Variants in RIT2 observed in about 807,000 individuals in gnomAD.
The protein encoded by RIT2 is GTP-binding protein Rit2.
RIT2 carries 24 observed loss-of-function variants against 23.7 expected under a neutral mutation model. That is an observed-to-expected ratio of 1.01 (90% confidence interval 0.73 to 1.43). The LOEUF (loss-of-function observed/expected upper bound fraction) is 1.43. Ranked by LOEUF, RIT2 falls within the 40% of genes most tolerant of loss-of-function variation. RIT2 has a pLI of 0.00. For missense variants in RIT2, 236 were observed against 266.9 expected (o/e 0.88, Z 0.81); for synonymous variants, 107 against 91.1 (o/e 1.17, Z -0.99).
intron 4 of RIT2, among the ~76,000 whole-genome samples, chr18:42,844,380 G>A (rs73470098): frequency 0.037 from 5,606 of 152,270 alleles, 333 homozygotes; most frequent in African/African-American, 0.13. Context: ...CTCTTGTCCA[G>A]CATCCAAGAA....
At chr18:42,763,335 C>T (rs1328160422) in intron 4 of RIT2, among the ~76,000 whole-genome samples, 1 of 151,874 alleles carries the variant, frequency 6.6e-6, no homozygotes, top group African/African-American at 2.4e-5. Flanking sequence ...GGTGGCAGGC[C>T]CCTGTAGTCC....
chr18:42,819,580 T>C (rs966546502), intron 4 of RIT2, among the ~76,000 whole-genome samples: 4 of 152,114 alleles, frequency 2.6e-5, no homozygotes, highest in African/African-American at 9.7e-5. Context: ...TGTATCTCAT[T>C]GTACTCTACA....
chr18:43,059,474 TACATGAGA>T (rs1485476041), intron 1 of RIT2, among the ~76,000 whole-genome samples: 1 of 152,106 alleles, frequency 6.6e-6, no homozygotes, highest in African/African-American at 2.4e-5. Flanking sequence ...AGACAAGATA[TACATGAGA>T]AATTGGACTA....
chr18:42,989,943 T>C (rs1272429484), intron 2 of RIT2, among the ~76,000 whole-genome samples: 1 of 152,050 alleles, frequency 6.6e-6, no homozygotes, highest in East Asian at 1.9e-4. Flanking sequence ...AAGATAGATA[T>C]ATGTACACAC....
At chr18:43,089,194 C>A (rs1913359098) in intron 1 of RIT2, among the ~76,000 whole-genome samples, 2 of 151,914 alleles carry the variant, frequency 1.3e-5, no homozygotes, top group South Asian at 2.1e-4. Flanking sequence ...TCTAGAAAAC[C>A]CTATAGTCTC....
chr18:42,891,465 T>C (rs1024004533), intron 4 of RIT2, among the ~76,000 whole-genome samples: 2 of 152,178 alleles, frequency 1.3e-5, no homozygotes, highest in African/African-American at 2.4e-5. Flanking sequence ...GCACATAGAT[T>C]CATGGTTGCC....
intron 1 of RIT2, among the ~76,000 whole-genome samples, chr18:43,093,612 C>T (rs1438759699): frequency 3.3e-5 from 5 of 151,886 alleles, no homozygotes; most frequent in African/African-American, 9.7e-5. Context: ...GTGATGAAAC[C>T]TATCAGCATG....
At chr18:43,098,222 A>G (rs951924751) in intron 1 of RIT2, among the ~76,000 whole-genome samples, 12 of 151,972 alleles carry the variant, frequency 7.9e-5, no homozygotes, top group African/African-American at 2.9e-4. Flanking sequence ...GTTGTATTAG[A>G]AAGTCCTTTT....
At chr18:42,868,410 C>G (rs985625894) in intron 4 of RIT2, among the ~76,000 whole-genome samples, 4 of 152,126 alleles carry the variant, frequency 2.6e-5, no homozygotes, top group African/African-American at 9.7e-5. Flanking sequence ...TGTGAAAACC[C>G]AAGTTTAAGC....
At chr18:42,775,879 A>ACT (rs879454594) in intron 4 of RIT2, among the ~76,000 whole-genome samples, 3 of 151,604 alleles carry the variant, frequency 2.0e-5, no homozygotes, top group Non-Finnish European at 4.4e-5. Flanking sequence ...ACACACACAC[A>ACT]CAGAGATGTA....
chr18:42,762,096 G>A (rs1174348404), intron 4 of RIT2, among the ~76,000 whole-genome samples: 1 of 152,150 alleles, frequency 6.6e-6, no homozygotes, highest in Non-Finnish European at 1.5e-5. Context: ...GTCTCACTGG[G>A]AGGAAGTTAG....
chr18:42,928,740 C>T (rs890140136), intron 3 of RIT2, among the ~76,000 whole-genome samples: 1 of 151,772 alleles, frequency 6.6e-6, no homozygotes, highest in Admixed American at 6.6e-5. Context: ...CTGGTTATGT[C>T]AATTTAAATG....
intron 4 of RIT2, among the ~76,000 whole-genome samples, chr18:42,882,836 T>C (rs1401534629): frequency 6.6e-6 from 1 of 152,180 alleles, no homozygotes; most frequent in Non-Finnish European, 1.5e-5. Context: ...GAATGGTGCT[T>C]TGTAGTTCTA....
intron 1 of RIT2, among the ~76,000 whole-genome samples, chr18:43,103,565 A>C (rs987135788): frequency 6.6e-6 from 1 of 152,248 alleles, no homozygotes; most frequent in Non-Finnish European, 1.5e-5. Flanking sequence ...AGAAGAGAGA[A>C]GATATTAGAC....
At chr18:43,017,444 G>T (rs1229916177) in intron 2 of RIT2, among the ~76,000 whole-genome samples, 1 of 151,784 alleles carries the variant, frequency 6.6e-6, no homozygotes, top group African/African-American at 2.4e-5. Context: ...TAACACAATT[G>T]GTTCATGTTT....
In RIT2 at chr18:43,107,627, T is replaced by C. The variant is rs1913855475; in HGVS notation, c.103+7790A>G. The stretch of plus-strand genomic sequence containing the variant: ...TAAATTCCTATAATTACTGGGTTAC[T>C]TGGTTTTCTCAAGTTGAAAGGAATT... On this transcript the variant is annotated intron_variant, in intron 1 of 4. Coordinates refer to ENST00000326695, the MANE Select transcript of RIT2 (RefSeq NM_002930.4). Among the ~76,000 whole-genome samples the C allele has an allele frequency of 2.0e-5, 3 of 152,138 alleles. No homozygotes were observed. The South Asian group carries it at 6.2e-4, about 32-fold the overall frequency.
At chr18:42,833,053 CAAA>C (rs35952869) in intron 4 of RIT2, among the ~76,000 whole-genome samples, 1 of 77,890 alleles carries the variant, frequency 1.3e-5, no homozygotes, top group Non-Finnish European at 2.5e-5. Flanking sequence ...GACTTCATCT[CAAA>C]AAAAAAAAAA....
chr18:43,030,413 T>A (rs997966828), intron 2 of RIT2, among the ~76,000 whole-genome samples: 2 of 151,806 alleles, frequency 1.3e-5, no homozygotes, highest in African/African-American at 4.8e-5. Flanking sequence ...TAAAATAAGG[T>A]GGATGTGGTT....
chr18:43,005,719 G>A (rs1044580331), intron 2 of RIT2, among the ~76,000 whole-genome samples: 1 of 151,658 alleles, frequency 6.6e-6, no homozygotes, highest in African/African-American at 2.4e-5. Context: ...AGTATCCCAT[G>A]AACCCAAAAA....
Sources: gnomAD v4.1 joint callset for allele counts (sites outside exome capture counted in the v4.1 genomes callset) on GRCh38, gnomAD v4.1.1 for gene constraint, MANE v1.5 for transcripts, NCBI Gene and HGNC (gene_info 2026-07-23, HGNC 2026-07-21) for gene names.